The following EPHA6 variants were observed in gnomAD, a reference collection of about 807,000 sequenced individuals.
The protein encoded by EPHA6 is ephrin type-A receptor 6.
EPHA6 carries 50 observed loss-of-function variants against 112.0 expected under a neutral mutation model. The ratio of observed to expected loss-of-function variants is 0.45; its 90% CI spans 0.36 to 0.56. The LOEUF (loss-of-function observed/expected upper bound fraction) is 0.56, where lower values mean the gene tolerates loss of function less well. Among genes scored for constraint, EPHA6 ranks in the 20% least tolerant of loss-of-function variants. The probability of loss-of-function intolerance (pLI) is 0.00; values close to 1 mark genes in which losing one functional copy is unlikely to be tolerated. For missense variants in EPHA6, 1,280 were observed against 1,417.4 expected, an observed-to-expected ratio of 0.90 and a Z score of 1.56; for synonymous variants, 529 against 490.7, an observed-to-expected ratio of 1.08 and a Z score of -1.03.
chr3:97,618,900 A>G (rs2093789027), intron 13 of EPHA6, among the ~76,000 whole-genome samples: 1 of 151,962 alleles, frequency 6.6e-6, no homozygotes, highest in Admixed American at 6.6e-5. Context: ...GGACTCCACC[A>G]TAACTCATTC....
intron 10 of EPHA6, among the ~76,000 whole-genome samples, chr3:97,492,126 T>A (rs1286645937): frequency 6.6e-6 from 1 of 151,710 alleles, no homozygotes; most frequent in Non-Finnish European, 1.5e-5. Flanking sequence ...TAACAGATTA[T>A]GAATTCATTT....
At chr3:97,067,678 T>G (rs1171798714) in intron 3 of EPHA6, among the ~76,000 whole-genome samples, 1 of 151,806 alleles carries the variant, frequency 6.6e-6, no homozygotes, top group Non-Finnish European at 1.5e-5. Context: ...GAGGAGCAAT[T>G]TTCAAGAAGC....
chr3:97,199,257 T>C (rs1302494437), intron 3 of EPHA6, among the ~76,000 whole-genome samples: 4 of 152,094 alleles, frequency 2.6e-5, no homozygotes, highest in African/African-American at 9.7e-5. Flanking sequence ...AAATAGGGTA[T>C]TGGGGAAGGA....
chr3:97,494,606 A>C (rs2091930490), intron 10 of EPHA6, among the ~76,000 whole-genome samples: 1 of 152,156 alleles, frequency 6.6e-6, no homozygotes. Context: ...ATTTATCAGA[A>C]CACCACCAAT....
chr3:97,682,019 G>A (rs964941764), intron 14 of EPHA6, among the ~76,000 whole-genome samples: 79 of 152,182 alleles, frequency 5.2e-4, no homozygotes, highest in African/African-American at 1.7e-3. Flanking sequence ...ATATTTATAT[G>A]CCAAGCTGAA....
intron 14 of EPHA6, among the ~76,000 whole-genome samples, chr3:97,677,721 T>TAA (rs34686159): frequency 6.9e-4 from 64 of 92,788 alleles, no homozygotes; most frequent in African/African-American, 2.1e-3. Flanking sequence ...AACTCCATCT[T>TAA]AAAAAAAAAA....
At chr3:96,923,081 A>T (rs1026715783) in intron 2 of EPHA6, among the ~76,000 whole-genome samples, 1 of 152,202 alleles carries the variant, frequency 6.6e-6, no homozygotes, top group Admixed American at 6.5e-5. Context: ...TGCTCTTGTG[A>T]ATAGTGCTGC....
chr3:97,226,137 T>A, intron 3 of EPHA6, 127 bp from the exon 4 acceptor site: 1 of 637,642 alleles, frequency 1.6e-6, no homozygotes. Context: ...ATAGATGTCT[T>A]CTCTATGTAT....
At chr3:96,841,244 G>A (rs542025905) in intron 1 of EPHA6, among the ~76,000 whole-genome samples, 1 of 152,058 alleles carries the variant, frequency 6.6e-6, no homozygotes, top group African/African-American at 2.4e-5. Flanking sequence ...TTAAGTTTCT[G>A]ATTAACCTTT....
chr3:97,305,065 G>T (rs1352388060), intron 5 of EPHA6, among the ~76,000 whole-genome samples: 2 of 151,878 alleles, frequency 1.3e-5, no homozygotes, highest in South Asian at 4.2e-4. Flanking sequence ...TTAAAAGTGG[G>T]CAAAAGACAT....
intron 13 of EPHA6, among the ~76,000 whole-genome samples, chr3:97,624,147 G>T (rs751193638): frequency 3.3e-5 from 5 of 151,700 alleles, no homozygotes; most frequent in Non-Finnish European, 7.4e-5. Context: ...TATAACGGTC[G>T]AGTATGATGT....
chr3:97,208,758 A>G (rs2077783882), intron 3 of EPHA6, among the ~76,000 whole-genome samples: 1 of 151,968 alleles, frequency 6.6e-6, no homozygotes, highest in Non-Finnish European at 1.5e-5. Flanking sequence ...ATTAAAAAAA[A>G]AAAATGGAAG....
chr3:97,506,502 A>T (rs1337320175), intron 10 of EPHA6, among the ~76,000 whole-genome samples: 1 of 152,012 alleles, frequency 6.6e-6, no homozygotes, highest in African/African-American at 2.4e-5. Context: ...AGATTGGTGG[A>T]GTTAGTTCTG....
chr3:96,890,442 C>A (rs1485045934), intron 2 of EPHA6, among the ~76,000 whole-genome samples: 1 of 152,022 alleles, frequency 6.6e-6, no homozygotes, highest in Non-Finnish European at 1.5e-5. Context: ...TGCATTAAAA[C>A]TTGAAGATTA....
intron 14 of EPHA6, among the ~76,000 whole-genome samples, chr3:97,706,313 CAACA>C (rs1159087361): frequency 6.6e-6 from 1 of 152,090 alleles, no homozygotes; most frequent in African/African-American, 2.4e-5. Flanking sequence ...CTTTAAGCCA[CAACA>C]AACAAAGGAC....
At chr3:97,523,124 G>C (rs888103664) in intron 10 of EPHA6, among the ~76,000 whole-genome samples, 1 of 151,848 alleles carries the variant, frequency 6.6e-6, no homozygotes, top group African/African-American at 2.4e-5. Context: ...ACATTAAGTT[G>C]CTTACTTAAG....
chr3:97,132,709 G>A (rs1168848610), intron 3 of EPHA6, among the ~76,000 whole-genome samples: 1 of 151,900 alleles, frequency 6.6e-6, no homozygotes, highest in Non-Finnish European at 1.5e-5. Context: ...ACTCAATTGA[G>A]AATACAAAGC....
chr3:96,912,673 GAACTCCTGGGTTTA>G (rs2039277700), intron 2 of EPHA6, among the ~76,000 whole-genome samples: 1 of 152,082 alleles, frequency 6.6e-6, no homozygotes, highest in Non-Finnish European at 1.5e-5. Context: ...CCCTAATCTT[GAACTCCTGGGTTTA>G]AGCAGTCTTC....
At chr3:97,105,439 A>T (rs1425414020) in intron 3 of EPHA6, among the ~76,000 whole-genome samples, 1 of 152,016 alleles carries the variant, frequency 6.6e-6, no homozygotes, top group Non-Finnish European at 1.5e-5. Context: ...AAGTTGTTTA[A>T]TTTCCATGTA....
Sources: gnomAD v4.1 joint callset for allele counts (sites outside exome capture counted in the v4.1 genomes callset) on GRCh38, gnomAD v4.1.1 for gene constraint, MANE v1.5 for transcripts, NCBI Gene and HGNC (gene_info 2026-07-23, HGNC 2026-07-21) for gene names.